CRCP: variants seen among roughly 807,000 people sequenced by gnomAD.
CRCP encodes DNA-directed RNA polymerase III subunit RPC9.
A neutral mutation model predicts 18.5 loss-of-function variants in CRCP; 18 were observed. The observed-to-expected ratio is 0.97, with a 90% CI of 0.67 to 1.44. The LOEUF (loss-of-function observed/expected upper bound fraction) is 1.44, where lower values mean the gene tolerates loss of function less well. Among genes scored for constraint, CRCP ranks in the 40% most tolerant of loss-of-function variants. The pLI is 0.00. For synonymous variants in CRCP, 53 were observed against 62.9 expected (o/e 0.84, Z 0.75); for missense variants, 130 against 176.4 (o/e 0.74, Z 1.49).
intron 4 of CRCP, among the ~76,000 whole-genome samples, chr7:66,145,079 C>G (rs1340128606): frequency 6.6e-6 from 1 of 152,058 alleles, no homozygotes; most frequent in African/African-American, 2.4e-5. Flanking sequence ...TCACTTGAAC[C>G]CTGGAGGCGG....
chr7:66,147,457 A>G (rs1788332990), intron 5 of CRCP, among the ~76,000 whole-genome samples: 1 of 152,084 alleles, frequency 6.6e-6, no homozygotes. Context: ...GAAGGGGGCA[A>G]GTGTCCTCTC....
intron 2 of CRCP, chr7:66,128,808 T>A (rs989450321): frequency 3.9e-5 from 6 of 152,138 alleles, no homozygotes; most frequent in Non-Finnish European, 8.8e-5. Context: ...AGCAAAACCA[T>A]CTGATAGGCT....
intron 1 of CRCP, among the ~76,000 whole-genome samples, chr7:66,117,630 G>A (rs1420199869): frequency 6.6e-6 from 1 of 152,188 alleles, no homozygotes; most frequent in African/African-American, 2.4e-5. Flanking sequence ...TAGCCTTTGA[G>A]TGTTCACTCT....
Position 66,126,320 on chromosome 7 carries a change from GC to G in CRCP, c.9-1382del, listed in dbSNP as rs1286604402. Among the ~76,000 whole-genome samples the G allele has an allele frequency of 3.4e-5, 5 of 146,374 alleles. 1 individual carries two copies. Among genetic ancestry groups the G allele is most frequent in the Non-Finnish European group, 7.6e-5 (5 of 65,656 alleles). ...CTTGGGTCATCATTTGGATCATCTC[GC>G]CACACTCCTGGTTTAAGAACATACA... On this transcript the variant is annotated intron_variant, in intron 1 of 5. Coordinates refer to ENST00000395326, the MANE Select transcript of CRCP (RefSeq NM_014478.5).
In CRCP at chr7:66,145,987, C is replaced by T. The variant is rs1264368788; in HGVS notation, c.297+487C>T. 2.0e-5 allele frequency among the ~76,000 whole-genome samples: 3 copies of T among 152,322 alleles called. No individual in the cohort carries two copies. The East Asian group carries it at 5.8e-4, about 29-fold the overall frequency. On this transcript the variant is annotated intron_variant, in intron 5 of 5. Transcript: ENST00000395326. The stretch of plus-strand genomic sequence containing the variant: ...ACGCCGGAAACCTGCAAGCCATTCT[C>T]TTCCTTTCATCTCACAGTCAGGGAG...
chr7:66,122,728 C>T (rs917533839), intron 1 of CRCP, among the ~76,000 whole-genome samples: 1 of 152,034 alleles, frequency 6.6e-6, no homozygotes, highest in East Asian at 1.9e-4. Context: ...ACAGCAAACA[C>T]TTGTTTTCTG....
chr7:66,119,470 G>T (rs1428353683), intron 1 of CRCP: 2 of 152,188 alleles, frequency 1.3e-5, no homozygotes, highest in African/African-American at 4.8e-5. Context: ...CCGTTGAGAA[G>T]TTCTGGAGGC....
intron 1 of CRCP, among the ~76,000 whole-genome samples, chr7:66,116,629 G>T (rs1787272092): frequency 1.3e-5 from 2 of 152,070 alleles, no homozygotes; most frequent in South Asian, 4.1e-4. Flanking sequence ...CTTTACTAGA[G>T]CATTTCCTGT....
rs62465480 is a variant in CRCP at position 66,150,172 on chromosome 7, T to C, written c.298-2036T>C. On this transcript the variant is annotated intron_variant, in intron 5 of 5. Coordinates refer to ENST00000395326, the MANE Select transcript of CRCP (RefSeq NM_014478.5). ...GGCTAACTCCTGTAATCCCAGCACT[T>C]TGGGAGGCCGAGGTGAGTGGATCGC... Among the ~76,000 whole-genome samples, 708 of 151,358 alleles carry C rather than the reference T, an allele frequency of 4.7e-3. 3 individuals are homozygous for C. Among genetic ancestry groups the C allele is most frequent in the Non-Finnish European group, 6.5e-3 (443 of 67,708 alleles).
chr7:66,138,687 G>A (rs316333), intron 4 of CRCP, among the ~76,000 whole-genome samples: 15,543 of 150,144 alleles, frequency 0.1, 988 homozygotes, highest in South Asian at 0.2. Flanking sequence ...CCAGCTACTC[G>A]GGAGGCTGAG....
intron 4 of CRCP, among the ~76,000 whole-genome samples, chr7:66,138,396 A>T (rs886613923): frequency 4.0e-5 from 6 of 151,584 alleles, no homozygotes; most frequent in African/African-American, 9.7e-5. Flanking sequence ...ATAATTAATT[A>T]AAAAAAAATT....
chr7:66,147,915 C>A (rs1788346610), intron 5 of CRCP, among the ~76,000 whole-genome samples: 1 of 152,036 alleles, frequency 6.6e-6, no homozygotes, highest in South Asian at 2.1e-4. Context: ...AAAAAATTAG[C>A]CAGGTATGGT....
intron 5 of CRCP, among the ~76,000 whole-genome samples, chr7:66,149,909 C>T (rs1414150791): frequency 1.3e-5 from 2 of 152,044 alleles, no homozygotes. Flanking sequence ...TGGGTTCACA[C>T]CATTCTCCTG....
rs773529472 is a variant in CRCP at position 66,152,199 on chromosome 7, CT to C, written c.298-7del. 2 of 1,613,958 alleles carry C rather than the reference CT, an allele frequency of 1.2e-6. No individual in the cohort carries two copies. The highest frequency in any genetic ancestry group is 1.1e-5 in the South Asian group (1 of 91,060). On this transcript the variant is annotated splice_region_variant and splice_polypyrimidine_tract_variant and intron_variant, in intron 5 of 5. Coordinates refer to ENST00000395326, the MANE Select transcript of CRCP (RefSeq NM_014478.5). ...TTGTAACCCTGGAGGATTTTCTTTCCTTCTGCAGATGGTGGAAGAGAGTGAA... is the reference window on the plus strand; with the variant it reads ...TTGTAACCCTGGAGGATTTTCTTTCCTCTGCAGATGGTGGAAGAGAGTGAA...
At chr7:66,120,402 C>T (rs1787402800) in intron 1 of CRCP, among the ~76,000 whole-genome samples, 1 of 152,118 alleles carries the variant, frequency 6.6e-6, no homozygotes, top group Non-Finnish European at 1.5e-5. Flanking sequence ...CTGTCCCCTT[C>T]TGCCAAGTAG....
At chr7:66,144,045 A>T (rs1788217660) in intron 4 of CRCP, among the ~76,000 whole-genome samples, 1 of 152,182 alleles carries the variant, frequency 6.6e-6, no homozygotes. Flanking sequence ...AATGCGATAA[A>T]TACTTACTGA....
Position 66,153,723 on chromosome 7 carries a change from C to T in CRCP, c.*1366C>T, listed in dbSNP as rs770225105. 3 of 152,128 alleles carry T rather than the reference C, an allele frequency of 2.0e-5. No homozygotes were observed. The highest frequency in any genetic ancestry group is 4.4e-5 in the Non-Finnish European group (3 of 68,052). The allele number at this position is 152,128 out of a possible 1,614,324, so 9.4% of individuals were successfully genotyped here. On this transcript the variant is annotated 3_prime_UTR_variant, in exon 6 of 6. Coordinates refer to ENST00000395326, the MANE Select transcript of CRCP (RefSeq NM_014478.5). ...CCAGTCCCCAGGCATCTTAACCTTA[C>T]CATCTGAGCTTCAGCTGAAATCTGT...
At chr7:66,122,332 G>C (rs927540699) in intron 1 of CRCP, among the ~76,000 whole-genome samples, 1 of 138,010 alleles carries the variant, frequency 7.2e-6, no homozygotes, top group South Asian at 2.3e-4. Context: ...CTGAGATCGC[G>C]CCACTGCACT....
intron 2 of CRCP, among the ~76,000 whole-genome samples, chr7:66,130,483 T>C (rs1264719031): frequency 6.6e-6 from 1 of 152,142 alleles, no homozygotes; most frequent in Admixed American, 6.6e-5. Flanking sequence ...AGATTAGTGA[T>C]GTACATATTG....
Sources: allele counts gnomAD v4.1 joint callset (sites outside exome capture counted in the v4.1 genomes callset), GRCh38; gene constraint gnomAD v4.1.1; transcripts MANE v1.5; gene names NCBI Gene and HGNC (gene_info 2026-07-23, HGNC 2026-07-21).